C12orf42: variants seen among roughly 807,000 people sequenced by gnomAD.
C12orf42 encodes the protein chromosome 12 open reading frame 42, also known as uncharacterized protein C12orf42.
In C12orf42, 25 loss-of-function variants were observed where a neutral mutation model predicts 21.6. That is an observed-to-expected ratio of 1.16 (90% CI 0.84 to 1.62). C12orf42 has a LOEUF of 1.62. Ranked by LOEUF, C12orf42 falls within the 40% of genes most tolerant of loss-of-function variation. The probability of loss-of-function intolerance (pLI) is 0.00; values close to 1 mark genes in which losing one functional copy is unlikely to be tolerated. For missense variants in C12orf42, 483 were observed against 459.3 expected, an observed-to-expected ratio of 1.05 and a Z score of -0.47; for synonymous variants, 174 against 175.0, an observed-to-expected ratio of 0.99 and a Z score of 0.05.
chr12:103,381,774 A>G (rs537319333), intron 3 of C12orf42, among the ~76,000 whole-genome samples: 4 of 152,218 alleles, frequency 2.6e-5, no homozygotes, highest in African/African-American at 9.6e-5. Flanking sequence ...AAAATTAGCC[A>G]GGCATGGTGG....
chr12:103,068,886 T>TATAGATAG, the C12orf42 span, among the ~76,000 whole-genome samples: 1 of 133,392 alleles, frequency 7.5e-6, no homozygotes, highest in African/African-American at 2.8e-5. Context: ...TATATATATA[T>TATAGATAG]ATAGATAGAT....
chr12:103,123,075 G>T, the C12orf42 span, among the ~76,000 whole-genome samples: 1 of 152,222 alleles, frequency 6.6e-6, no homozygotes, highest in Non-Finnish European at 1.5e-5. Context: ...AATTGGAAAT[G>T]ATGCTTACAA....
the C12orf42 span, among the ~76,000 whole-genome samples, chr12:103,223,741 T>A: frequency 3.3e-5 from 5 of 152,126 alleles, no homozygotes; most frequent in Non-Finnish European, 7.4e-5. Context: ...GCAATGAGAC[T>A]GGGGCCTAAT....
the C12orf42 span, among the ~76,000 whole-genome samples, chr12:103,195,297 T>C: frequency 6.6e-6 from 1 of 152,144 alleles, no homozygotes; most frequent in Admixed American, 6.5e-5. Context: ...TCTATTCCTT[T>C]GGGTATATAC....
chr12:103,450,678 G>A (rs1246728742), intron 2 of C12orf42, among the ~76,000 whole-genome samples: 1 of 152,066 alleles, frequency 6.6e-6, no homozygotes, highest in Non-Finnish European at 1.5e-5. Flanking sequence ...CTCCAGGAGT[G>A]GCTCCCAATC....
the C12orf42 span, among the ~76,000 whole-genome samples, chr12:103,193,798 C>G: frequency 6.6e-6 from 1 of 152,092 alleles, no homozygotes. Flanking sequence ...CACTTTTAAA[C>G]TAGAAGAGGG....
chr12:103,256,085 AATAT>A lies in C12orf42; in HGVS notation c.*1366+7237_*1366+7240del, dbSNP rs1565998064. Among the ~76,000 whole-genome samples, 435 of 58,840 alleles carry A rather than the reference AATAT, an allele frequency of 7.4e-3. 4 individuals carry two copies. The highest frequency in any genetic ancestry group is 0.027 in the Middle Eastern group (2 of 74). The allele number at this position is 58,840 out of a possible 152,430, so 38.6% of individuals were successfully genotyped here. ...AAAAAAAAAAAAAAAAAAAAAAAAA[AATAT>A]ATATATATATATATATATATATACA... On this transcript the variant is annotated intron_variant and NMD_transcript_variant, in intron 10 of 10. Transcript: ENST00000547347.
At chr12:103,201,984 T>A in the C12orf42 span, among the ~76,000 whole-genome samples, 1 of 152,204 alleles carries the variant, frequency 6.6e-6, no homozygotes, top group East Asian at 1.9e-4. Context: ...CCACATTTAT[T>A]TAAGAATGTA....
downstream of C12orf42, among the ~76,000 whole-genome samples, chr12:103,236,419 T>C (rs568758249): frequency 5.9e-5 from 9 of 152,320 alleles, no homozygotes; most frequent in East Asian, 1.9e-4. Context: ...ATTTACCCCA[T>C]GCAAGCTGCT....
At chr12:103,141,462 T>C in the C12orf42 span, among the ~76,000 whole-genome samples, 5 of 151,974 alleles carry the variant, frequency 3.3e-5, no homozygotes, top group Non-Finnish European at 7.4e-5. Context: ...TATAAGCAAC[T>C]GACTTTGAAA....
intron 2 of C12orf42, among the ~76,000 whole-genome samples, chr12:103,467,276 A>G (rs74331777): frequency 0.026 from 3,931 of 152,334 alleles, 77 homozygotes; most frequent in Non-Finnish European, 0.039. Context: ...CCTAATCATT[A>G]CATAACCATT....
chr12:103,318,040 G>A (rs950413908), intron 4 of C12orf42, among the ~76,000 whole-genome samples: 5 of 152,212 alleles, frequency 3.3e-5, no homozygotes, highest in South Asian at 2.1e-4. Flanking sequence ...GGTGGCTCAC[G>A]TCTGTAATCT....
chr12:103,266,570 G>T (rs2035182561), downstream of C12orf42, among the ~76,000 whole-genome samples: 1 of 152,214 alleles, frequency 6.6e-6, no homozygotes, highest in East Asian at 1.9e-4. Context: ...CTTGGTCGAG[G>T]TAGGCATGTG....
At chr12:103,310,111 G>A (rs1017767629) in intron 4 of C12orf42, among the ~76,000 whole-genome samples, 1 of 152,218 alleles carries the variant, frequency 6.6e-6, no homozygotes, top group Non-Finnish European at 1.5e-5. Flanking sequence ...GGTGGGCCCT[G>A]GTGGGAGGTG....
the C12orf42 span, among the ~76,000 whole-genome samples, chr12:103,095,153 C>T: frequency 6.6e-6 from 1 of 151,860 alleles, no homozygotes; most frequent in African/African-American, 2.4e-5. Context: ...CTGATTGGTC[C>T]CTTCCCTCAT....
chr12:103,250,000 G>C (rs1672092504), intron 10 of C12orf42, among the ~76,000 whole-genome samples: 1 of 152,054 alleles, frequency 6.6e-6, no homozygotes, highest in South Asian at 2.1e-4. Flanking sequence ...TCTGCAGTTA[G>C]ACTCATGATC....
intron 4 of C12orf42, among the ~76,000 whole-genome samples, chr12:103,334,527 A>G (rs756330535): frequency 6.6e-6 from 1 of 152,158 alleles, no homozygotes; most frequent in Non-Finnish European, 1.5e-5. Context: ...TTTATAAAAG[A>G]AGGCAGGGAA....
intron 2 of C12orf42, among the ~76,000 whole-genome samples, chr12:103,435,873 A>G (rs1372161309): frequency 6.6e-6 from 1 of 151,812 alleles, no homozygotes; most frequent in African/African-American, 2.4e-5. Flanking sequence ...AAGGCAGGCC[A>G]ACGTTCAGAT....
the C12orf42 span, among the ~76,000 whole-genome samples, chr12:103,176,757 A>G: frequency 1.3e-5 from 2 of 152,296 alleles, no homozygotes; most frequent in South Asian, 4.2e-4. Flanking sequence ...CTACCTCAAA[A>G]CAAAGTCCAA....
Sources: gnomAD v4.1 joint callset for allele counts (sites outside exome capture counted in the v4.1 genomes callset) on GRCh38, gnomAD v4.1.1 for gene constraint, MANE v1.5 for transcripts, NCBI Gene and HGNC (gene_info 2026-07-23, HGNC 2026-07-21) for gene names.